IFT81: variants seen among roughly 807,000 people sequenced by gnomAD.
IFT81 encodes intraflagellar transport 81.
In IFT81, 72 loss-of-function variants were observed where a neutral mutation model predicts 102.6. The observed-to-expected ratio is 0.70, with a 90% confidence interval of 0.58 to 0.85. The LOEUF is 0.85. Among genes scored for constraint, IFT81 ranks in the 40% least tolerant of loss-of-function variants. IFT81 has a pLI of 0.00. For synonymous variants in IFT81, 237 were observed against 242.7 expected (o/e 0.98, Z 0.22); for missense variants, 723 against 787.3 (o/e 0.92, Z 0.98).
chr12:110,190,789 G>A, intron 12 of IFT81, 131 bp from the exon 13 acceptor site: 1 of 743,292 alleles, frequency 1.3e-6, no homozygotes, highest in Non-Finnish European at 2.0e-6. Flanking sequence ...AGTCAATGAA[G>A]ATTGTCCTTT....
At chr12:110,133,730 T>C (rs1402110599) in intron 5 of IFT81, among the ~76,000 whole-genome samples, 2 of 152,254 alleles carry the variant, frequency 1.3e-5, no homozygotes, top group Admixed American at 6.5e-5. Context: ...CTTGGTATTC[T>C]GTAGATAAAT....
At chr12:110,168,586 C>A in intron 11 of IFT81, 1 of 331,332 alleles carries the variant, frequency 3.0e-6, no homozygotes, top group Non-Finnish European at 4.3e-6. Flanking sequence ...ATATTTTTGA[C>A]TTCATGTTTT....
At chr12:110,134,474 A>C (rs909342677) in intron 5 of IFT81, among the ~76,000 whole-genome samples, 1 of 152,190 alleles carries the variant, frequency 6.6e-6, no homozygotes, top group Non-Finnish European at 1.5e-5. Context: ...GAATTGGTTC[A>C]TTGGAAAAAC....
rs1222601711 is a variant in IFT81, at chr12:110,218,689, T to G, written c.*463T>G. The G allele has an allele frequency of 6.6e-6, 1 of 152,402 alleles. No homozygotes were observed. Among genetic ancestry groups the G allele is most frequent in the East Asian group, 1.9e-4 (1 of 5,206 alleles). 9.4% of individuals were successfully genotyped at this position (152,402 alleles called of 1,614,324 possible). On this transcript the variant is annotated 3_prime_UTR_variant, in exon 19 of 19. Transcript: ENST00000242591. ...GTTTTACTTCAGTTTATTTTTCTTCTGTAAAATGCAAGAAAATTTAATATT... is the reference window on the plus strand; with the variant it reads ...GTTTTACTTCAGTTTATTTTTCTTCGGTAAAATGCAAGAAAATTTAATATT...
intron 11 of IFT81, among the ~76,000 whole-genome samples, chr12:110,165,230 C>T (rs1003002796): frequency 6.6e-6 from 1 of 151,896 alleles, no homozygotes; most frequent in Non-Finnish European, 1.5e-5. Context: ...CAGAAGGTAT[C>T]GGGGAACATT....
chr12:110,130,106 A>C (rs566845555), intron 4 of IFT81, among the ~76,000 whole-genome samples: 1 of 152,138 alleles, frequency 6.6e-6, no homozygotes, highest in Non-Finnish European at 1.5e-5. Context: ...ATATTTTGCT[A>C]TTTGGGGTAG....
chr12:110,215,644 T>G (rs932633654), intron 18 of IFT81, among the ~76,000 whole-genome samples: 4 of 151,406 alleles, frequency 2.6e-5, no homozygotes, highest in African/African-American at 9.7e-5. Flanking sequence ...AAAAAATTTT[T>G]TTTTTGTAGA....
chr12:110,213,932 A>G (rs988161258), intron 18 of IFT81, among the ~76,000 whole-genome samples: 21 of 152,084 alleles, frequency 1.4e-4, no homozygotes, highest in African/African-American at 5.1e-4. Context: ...AAATGTTCTA[A>G]TTTCATACTG....
At chr12:110,168,405 C>T (rs969525547) in intron 11 of IFT81, 2 of 490,410 alleles carry the variant, frequency 4.1e-6, no homozygotes, top group African/African-American at 2.1e-5. Flanking sequence ...AACAAAATGC[C>T]ATTAATGGGA....
chr12:110,207,813 C>A (rs1363145527), intron 17 of IFT81, among the ~76,000 whole-genome samples: 2 of 151,996 alleles, frequency 1.3e-5, no homozygotes, highest in Non-Finnish European at 2.9e-5. Flanking sequence ...GCCACCGCGC[C>A]CAGCCCCAGC....
chr12:110,181,367 A>G (rs1221438834), intron 12 of IFT81, among the ~76,000 whole-genome samples: 1 of 152,116 alleles, frequency 6.6e-6, no homozygotes, highest in African/African-American at 2.4e-5. Flanking sequence ...TCTAATTTCT[A>G]TTGTGATTTC....
intron 12 of IFT81, among the ~76,000 whole-genome samples, chr12:110,187,966 G>A (rs1468274515): frequency 6.6e-6 from 1 of 152,098 alleles, no homozygotes; most frequent in Non-Finnish European, 1.5e-5. Context: ...GTGCACCCTG[G>A]AAAGTCCTGA....
intron 11 of IFT81, among the ~76,000 whole-genome samples, chr12:110,167,476 A>G (rs1367999637): frequency 6.6e-6 from 1 of 152,200 alleles, no homozygotes; most frequent in Admixed American, 6.5e-5. Flanking sequence ...CTATTAAATG[A>G]CTACATTTAG....
chr12:110,182,271 T>G (rs1897336886), intron 12 of IFT81, among the ~76,000 whole-genome samples: 1 of 152,210 alleles, frequency 6.6e-6, no homozygotes, highest in South Asian at 2.1e-4. Flanking sequence ...TTCTATAGGA[T>G]TCTAGTTGGT....
At chr12:110,135,502 A>G (rs1894438801) in intron 7 of IFT81, 65 bp downstream of exon 7, 6 of 947,144 alleles carry the variant, frequency 6.3e-6, no homozygotes, top group East Asian at 2.5e-5. Context: ...ATCCAAATGT[A>G]AAGAAAAGAG....
At chr12:110,146,900 T>G (rs982694033) in intron 9 of IFT81, 53 bp from the exon 10 acceptor site, 6 of 1,531,692 alleles carry the variant, frequency 3.9e-6, no homozygotes, top group Non-Finnish European at 4.4e-6. Flanking sequence ...ACTTAGTTTG[T>G]GTACTTATAG....
At chr12:110,158,735 G>A (rs1450418044) in intron 10 of IFT81, among the ~76,000 whole-genome samples, 3 of 152,010 alleles carry the variant, frequency 2.0e-5, no homozygotes, top group Admixed American at 6.6e-5. Flanking sequence ...GACTACAGGC[G>A]CCCGCCACCA....
chr12:110,177,525 C>A (rs1000849120), intron 11 of IFT81, among the ~76,000 whole-genome samples: 5 of 152,142 alleles, frequency 3.3e-5, no homozygotes, highest in Admixed American at 2.6e-4. Context: ...CTCACGCAGT[C>A]CCCCCACCTC....
chr12:110,192,581 C>T (rs772192034), intron 13 of IFT81, 36 bp from the exon 14 acceptor site: 49 of 1,116,708 alleles, frequency 4.4e-5, no homozygotes, highest in Non-Finnish European at 5.8e-5. Context: ...TTTTTGAATT[C>T]TTTTTTAGGT....
Sources: allele counts gnomAD v4.1 joint callset (sites outside exome capture counted in the v4.1 genomes callset), GRCh38; gene constraint gnomAD v4.1.1; transcripts MANE v1.5; gene names NCBI Gene and HGNC (gene_info 2026-07-23, HGNC 2026-07-21).